The following LINGO1 variants were observed in gnomAD, a reference collection of about 807,000 sequenced individuals.
LINGO1 encodes leucine rich repeat and Ig domain containing 1.
A neutral mutation model predicts 37.3 loss-of-function variants in LINGO1; 11 were observed. The ratio of observed to expected loss-of-function variants is 0.29; its 90% confidence interval spans 0.19 to 0.49. LINGO1 has a LOEUF of 0.49. Among genes scored for constraint, LINGO1 ranks in the 20% least tolerant of loss-of-function variants. The pLI, the probability that LINGO1 is intolerant of heterozygous loss-of-function variation, is 0.99. For synonymous variants in LINGO1, 387 were observed against 403.0 expected (o/e 0.96, Z 0.48); for missense variants, 585 against 878.2 (o/e 0.67, Z 4.22).
At chr15:77,800,003 G>A (rs2076904584) in intron 1 of LINGO1, among the ~76,000 whole-genome samples, 2 of 152,170 alleles carry the variant, frequency 1.3e-5, no homozygotes, top group South Asian at 2.1e-4. Flanking sequence ...GCACTGAGAA[G>A]GCAGGACGGG....
intron 3 of LINGO1, among the ~76,000 whole-genome samples, chr15:77,639,931 C>T (rs993728182): frequency 5.3e-5 from 8 of 152,182 alleles, no homozygotes; most frequent in Non-Finnish European, 8.8e-5. Flanking sequence ...ATGAGCAGCA[C>T]GGTGGTTCTA....
chr15:77,705,551 G>T (rs2075842274), intron 2 of LINGO1, among the ~76,000 whole-genome samples: 1 of 152,228 alleles, frequency 6.6e-6, no homozygotes, highest in Non-Finnish European at 1.5e-5. Flanking sequence ...CCCTGTGGTG[G>T]GGACAGGCAA....
chr15:77,797,682 T>C (rs1468569220), intron 1 of LINGO1, among the ~76,000 whole-genome samples: 1 of 152,234 alleles, frequency 6.6e-6, no homozygotes, highest in Non-Finnish European at 1.5e-5. Flanking sequence ...CCCTCCTTTC[T>C]GCTCGATTCC....
intron 1 of LINGO1, among the ~76,000 whole-genome samples, chr15:77,745,287 G>A (rs192020813): frequency 2.6e-5 from 4 of 151,740 alleles, no homozygotes; most frequent in Admixed American, 1.3e-4. Flanking sequence ...TTAGCCAGGC[G>A]TGGTGGTGGG....
chr15:77,737,882 C>G (rs935035884), intron 1 of LINGO1, among the ~76,000 whole-genome samples: 2 of 151,882 alleles, frequency 1.3e-5, no homozygotes, highest in African/African-American at 4.8e-5. Flanking sequence ...TCCATCCCAT[C>G]CTGTCTGCAC....
intron 3 of LINGO1, chr15:77,641,942 G>C (rs1380570144): frequency 2.2e-6 from 1 of 456,704 alleles, no homozygotes; most frequent in Admixed American, 2.3e-5. Context: ...GCCACCTGTT[G>C]GCGGAGTGGT....
At chr15:77,679,901 T>C (rs2141224465) in intron 2 of LINGO1, among the ~76,000 whole-genome samples, 1 of 152,350 alleles carries the variant, frequency 6.6e-6, no homozygotes, top group East Asian at 1.9e-4. Context: ...GTCACAGCCG[T>C]GGCTCTTCTG....
intron 1 of LINGO1, among the ~76,000 whole-genome samples, chr15:77,782,525 G>T (rs2076730310): frequency 6.6e-6 from 1 of 152,186 alleles, no homozygotes; most frequent in African/African-American, 2.4e-5. Context: ...AAGGCCCGAT[G>T]CTCCACTTGC....
At chr15:77,816,974 TGA>T (rs5813885) in intron 1 of LINGO1, among the ~76,000 whole-genome samples, 8 of 150,810 alleles carry the variant, frequency 5.3e-5, no homozygotes, top group South Asian at 2.1e-4. Flanking sequence ...GAAGAGGAGC[TGA>T]GAGAGAGAGA....
chr15:77,796,702 C>A (rs1294906512), intron 1 of LINGO1, among the ~76,000 whole-genome samples: 1 of 120,830 alleles, frequency 8.3e-6, no homozygotes, highest in African/African-American at 3.0e-5. Flanking sequence ...ATTCCCCAGC[C>A]TCTCCTGCCT....
rs79820655 is a variant in LINGO1, at chr15:77,652,912, G to C, written c.-13+24177C>G. 4.0e-3 allele frequency among the ~76,000 whole-genome samples: 615 copies of C among 152,306 alleles called. 3 individuals are homozygous for C. The highest frequency in any genetic ancestry group is 6.7e-3 in the Non-Finnish European group (459 of 68,022). On this transcript the variant is annotated intron_variant, in intron 3 of 3. Coordinates refer to the LINGO1 transcript ENST00000559893. ...CTTCCCTGACTGTGAGCTATTGCCG[G>C]GGAGTGCATGGTTTGACCCTCAGGG...
At position 77,615,206 on chromosome 15, in the gene LINGO1, G is replaced by C. The variant is rs1374237680; in HGVS notation, c.701C>G (p.Ser234Cys). ...CTTGAGTCGGTACAGCCTCTTGAAGGAGTAGTCCCGGATGGCATTGATGTT... is the reference window on the plus strand; with the variant it reads ...CTTGAGTCGGTACAGCCTCTTGAAGCAGTAGTCCCGGATGGCATTGATGTT... Reference protein sequence around the residue: ...HLNINAIRDYSFKRLYRLKVL... With the variant: ...HLNINAIRDYCFKRLYRLKVL... The change falls in exon 2 of 2, where the codon TCC becomes TGC. Residue 234 changes from serine (S) to cysteine (C), a missense_variant. Transcript: ENST00000355300. 1 of 1,613,642 alleles carries C rather than the reference G, an allele frequency of 6.2e-7. No individual in the cohort carries two copies. Among genetic ancestry groups the C allele is most frequent in the South Asian group, 1.1e-5 (1 of 91,086 alleles).
chr15:77,703,190 G>A (rs1049552316), intron 2 of LINGO1, among the ~76,000 whole-genome samples: 1 of 152,164 alleles, frequency 6.6e-6, no homozygotes, highest in Admixed American at 6.5e-5. Flanking sequence ...CTCTCCCTGA[G>A]TCCCTTCCTC....
chr15:77,641,666 G>A lies in LINGO1; in HGVS notation c.-12-25766C>T, dbSNP rs549656057. On this transcript the variant is annotated intron_variant, in intron 3 of 3. Coordinates refer to the LINGO1 transcript ENST00000559893. The stretch of plus-strand genomic sequence containing the variant: ...AGGAGTGGGCGTGGTAGGAGGCTGA[G>A]AGCCTGACTGGCCCCACACCCCGTC... 2.1e-3 allele frequency: 762 copies of A among 361,486 alleles called. 9 individuals carry two copies. The highest frequency in any genetic ancestry group is 0.011 in the South Asian group (548 of 48,650). The allele number at this position is 361,486 out of a possible 1,614,324, so 22.4% of individuals were successfully genotyped here. A position where few individuals can be genotyped will look rare whatever the true frequency, so the allele number is the denominator to read the frequency against.
At chr15:77,689,541 A>G (rs1337753263) in intron 2 of LINGO1, among the ~76,000 whole-genome samples, 1 of 152,202 alleles carries the variant, frequency 6.6e-6, no homozygotes, top group African/African-American at 2.4e-5. Flanking sequence ...AGGCCCTCCC[A>G]TGGGTGGCTC....
chr15:77,645,854 C>T (rs1774764882), intron 3 of LINGO1, among the ~76,000 whole-genome samples: 1 of 152,250 alleles, frequency 6.6e-6, no homozygotes, highest in Admixed American at 6.5e-5. Flanking sequence ...GCTAGCCTCA[C>T]TCACGAAGGG....
intron 2 of LINGO1, among the ~76,000 whole-genome samples, chr15:77,734,349 A>G (rs1173182949): frequency 6.6e-6 from 1 of 152,028 alleles, no homozygotes; most frequent in Non-Finnish European, 1.5e-5. Context: ...ATTAAAATAC[A>G]AAACAAAACA....
chr15:77,754,391 C>G (rs972072709), intron 1 of LINGO1, among the ~76,000 whole-genome samples: 1 of 152,154 alleles, frequency 6.6e-6, no homozygotes, highest in African/African-American at 2.4e-5. Context: ...GGGCCCTGTG[C>G]TGGCCCAGCC....
At chr15:77,701,696 A>G (rs546176720) in intron 2 of LINGO1, among the ~76,000 whole-genome samples, 8 of 151,730 alleles carry the variant, frequency 5.3e-5, no homozygotes, top group African/African-American at 1.9e-4. Context: ...AGAGCCTGGC[A>G]CCTCCCTCCA....
Sources: gnomAD v4.1 joint callset for allele counts (sites outside exome capture counted in the v4.1 genomes callset) on GRCh38, gnomAD v4.1.1 for gene constraint, MANE v1.5 for transcripts, NCBI Gene and HGNC (gene_info 2026-07-23, HGNC 2026-07-21) for gene names.